PITRM1: variants seen among roughly 807,000 people sequenced by gnomAD.
PITRM1 encodes the protein presequence protease, mitochondrial.
In PITRM1, 100 loss-of-function variants were observed where a neutral mutation model predicts 129.9. The ratio of observed to expected loss-of-function variants is 0.77; its 90% CI spans 0.65 to 0.91. PITRM1 has a LOEUF of 0.91. Among genes scored for constraint, PITRM1 ranks in the 40% least tolerant of loss-of-function variants. The pLI is 0.00. For synonymous variants in PITRM1, 591 were observed against 508.8 expected (o/e 1.16, Z -2.17); for missense variants, 1,471 against 1,318.3 (o/e 1.12, Z -1.79).
rs756990275 is a variant in PITRM1 at position 3,138,049 on chromosome 10, T to C, written c.3096A>G (p.Pro1032=). ...GPENPKIAKD[P]SWIIQ is the part of the protein sequence containing the mutation. ...CGGCTGCTCATTGGATGATCCAGGA[T>C]GGGTCCTTGGCAATTTTCGGGTTCT... The change falls in exon 27 of 27, where the codon CCA becomes CCG. Residue 1032 remains proline (P), a synonymous_variant. Transcript: ENST00000224949. 1.2e-5 allele frequency: 19 copies of C among 1,606,982 alleles called. No individual in the cohort carries two copies. The African/African-American group carries it at 2.3e-4, about 19-fold the overall frequency.
At chr10:3,160,078 C>T (rs1387986030) in intron 8 of PITRM1, 126 bp downstream of exon 8, 4 of 1,275,052 alleles carry the variant, frequency 3.1e-6, no homozygotes, top group Non-Finnish European at 4.4e-6. Context: ...ATTCTTTCAG[C>T]TTGAAAAGCT....
intron 2 of PITRM1, among the ~76,000 whole-genome samples, chr10:3,169,776 C>T (rs898179724): frequency 2.0e-5 from 3 of 152,246 alleles, no homozygotes; most frequent in Non-Finnish European, 4.4e-5. Context: ...CAGATCAGGG[C>T]AGTGAGTCTT....
intron 14 of PITRM1, 116 bp from the exon 15 acceptor site, chr10:3,151,479 G>C: frequency 1.5e-6 from 1 of 672,202 alleles, no homozygotes; most frequent in Non-Finnish European, 2.7e-6. Flanking sequence ...CCAAGTGTGG[G>C]GAGTACAGGA....
chr10:3,146,831 A>G (rs1372308511), intron 20 of PITRM1: 1 of 180,850 alleles, frequency 5.5e-6, no homozygotes, highest in Admixed American at 5.9e-5. Context: ...AAGAAACTGC[A>G]CTTTTACTCT....
At chr10:3,139,864 A>C (rs1022856160) in intron 24 of PITRM1, among the ~76,000 whole-genome samples, 3 of 152,246 alleles carry the variant, frequency 2.0e-5, no homozygotes, top group Admixed American at 1.3e-4. Context: ...ATGTTCTCTT[A>C]GGCAGCAAAG....
At chr10:3,160,396 G>A in intron 7 of PITRM1, 66 bp from the exon 8 acceptor site, 3 of 1,340,402 alleles carry the variant, frequency 2.2e-6, no homozygotes, top group Non-Finnish European at 3.2e-6. Flanking sequence ...AGTGCTGTCT[G>A]TTTCACTGAA....
intron 7 of PITRM1, among the ~76,000 whole-genome samples, chr10:3,162,525 C>A (rs1588703584): frequency 6.6e-6 from 1 of 152,228 alleles, no homozygotes; most frequent in East Asian, 1.9e-4. Flanking sequence ...AAAAGCAGAT[C>A]TTCCCAAGGC....
rs1204507951 is a variant in PITRM1, at chr10:3,154,595, A to G, written c.1621+996T>C. 1.3e-5 allele frequency among the ~76,000 whole-genome samples: 2 copies of G among 152,172 alleles called. 1 individual carries two copies. The highest frequency in any genetic ancestry group is 4.8e-5 in the African/African-American group (2 of 41,426). ...AAAGTAATGAGATTATTTCCCATGT[A>G]ATGATTTATGTGCCTATTTGCCATT... is the stretch of plus-strand genomic sequence containing the variant. On this transcript the variant is annotated intron_variant, in intron 14 of 26. Transcript: ENST00000224949.
At chr10:3,154,835 C>G (rs571204600) in intron 14 of PITRM1, among the ~76,000 whole-genome samples, 2 of 152,324 alleles carry the variant, frequency 1.3e-5, no homozygotes, top group South Asian at 2.1e-4. Context: ...CTTCGTTCCA[C>G]CCGGCTGCTC....
chr10:3,172,571 G>A (rs1843480280), intron 1 of PITRM1, 146 bp downstream of exon 1: 3 of 709,414 alleles, frequency 4.2e-6, no homozygotes, highest in Non-Finnish European at 6.5e-6. Flanking sequence ...GGGAGCTCCA[G>A]GAAGGGCTCG....
chr10:3,160,765 G>A (rs1162896078), intron 7 of PITRM1, among the ~76,000 whole-genome samples: 1 of 147,462 alleles, frequency 6.8e-6, no homozygotes, highest in Admixed American at 6.7e-5. Context: ...TTTGGTGGGG[G>A]GTTTTTTTTT....
At chr10:3,146,974 C>T (rs764997728) in intron 20 of PITRM1, 176 bp downstream of exon 20, 1 of 444,100 alleles carries the variant, frequency 2.3e-6, no homozygotes, top group Non-Finnish European at 4.0e-6. Context: ...CCATCTCCTA[C>T]AACTTTTAAT....
intron 21 of PITRM1, among the ~76,000 whole-genome samples, 172 bp from the exon 22 acceptor site, chr10:3,144,538 T>C (rs1840646274): frequency 6.6e-6 from 1 of 152,206 alleles, no homozygotes; most frequent in Admixed American, 6.5e-5. Context: ...GCAGAGTGGC[T>C]CATGCCTATA....
intron 4 of PITRM1, among the ~76,000 whole-genome samples, chr10:3,165,786 A>C (rs571657122): frequency 1.3e-5 from 2 of 152,242 alleles, no homozygotes; most frequent in Non-Finnish European, 1.5e-5. Flanking sequence ...AAACTCTCTC[A>C]AGTTTCTCCA....
At position 3,166,885 on chromosome 10, in the gene PITRM1, C is replaced by T. The variant is rs1842909453; in HGVS notation, c.266+51G>A. The T allele has an allele frequency of 1.1e-5, 12 of 1,123,936 alleles. No homozygotes were observed. In the South Asian group the frequency reaches 1.5e-4, roughly 14 times the overall value. 69.6% of individuals were successfully genotyped at this position (1,123,936 alleles called of 1,614,324 possible). ...AGGGAAGCCAAAAGAATGGACATTC[C>T]TGATTTAAATAAAAACATTCAAGAC... On this transcript the variant is annotated intron_variant, in intron 3 of 26. Transcript: ENST00000224949.
chr10:3,145,445 C>G, intron 21 of PITRM1, 151 bp downstream of exon 21: 1 of 666,214 alleles, frequency 1.5e-6, no homozygotes. Flanking sequence ...ATACTTAATC[C>G]TCCTGAACCT....
Position 3,141,332 on chromosome 10 carries a change from C to G in PITRM1, c.2646-520G>C, listed in dbSNP as rs922579113. On this transcript the variant is annotated intron_variant, in intron 23 of 26. Transcript: ENST00000224949. Reference sequence around the variant, plus strand: ...TGGTGGGGAGGGAATCTTAACACTTCCAGCACCACACTGCTTAACTTGTTC... The same window carrying G: ...TGGTGGGGAGGGAATCTTAACACTTGCAGCACCACACTGCTTAACTTGTTC... Among the ~76,000 whole-genome samples, 3 of 152,174 alleles carry G rather than the reference C, an allele frequency of 2.0e-5. No homozygotes were observed. In the South Asian group the frequency reaches 6.2e-4, roughly 32 times the overall value.
chr10:3,154,381 G>A (rs534483884), intron 14 of PITRM1, among the ~76,000 whole-genome samples: 5 of 152,210 alleles, frequency 3.3e-5, no homozygotes, highest in South Asian at 2.1e-4. Flanking sequence ...CTGTGACCCC[G>A]TTTCCTAGGT....
At chr10:3,155,819 G>A in intron 13 of PITRM1, 90 bp from the exon 14 acceptor site, 1 of 1,429,954 alleles carries the variant, frequency 7.0e-7, no homozygotes, top group Non-Finnish European at 9.5e-7. Flanking sequence ...GTGTGTTCTT[G>A]GTCCTGTGGT....
Sources: allele counts gnomAD v4.1 joint callset (sites outside exome capture counted in the v4.1 genomes callset), GRCh38; gene constraint gnomAD v4.1.1; transcripts MANE v1.5; gene names NCBI Gene and HGNC (gene_info 2026-07-23, HGNC 2026-07-21).